MYLK3: variants seen among roughly 807,000 people sequenced by gnomAD.
The protein encoded by MYLK3 is MLC kinase.
In MYLK3, 55 loss-of-function variants were observed where a neutral mutation model predicts 76.3. The observed-to-expected ratio is 0.72, with a 90% CI of 0.58 to 0.90. The LOEUF (loss-of-function observed/expected upper bound fraction) is 0.90. Ranked by LOEUF, MYLK3 falls within the 40% of genes least tolerant of loss-of-function variation. MYLK3 has a pLI of 0.00. For synonymous variants in MYLK3, 416 were observed against 425.4 expected, an observed-to-expected ratio of 0.98 and a Z score of 0.27; for missense variants, 973 against 1,053.6, an observed-to-expected ratio of 0.92 and a Z score of 1.06.
rs759822773 is a variant in MYLK3, at chr16:46,727,351, C to T, written c.1799G>A (p.Arg600Gln). Reference sequence around the variant, plus strand: ...CAGGTGGTACTTCTCATCTGTGATCCGGTCGAAGAGCTCACCCCCGTCCAC... The same window carrying T: ...CAGGTGGTACTTCTCATCTGTGATCTGGTCGAAGAGCTCACCCCCGTCCAC... ...EYVDGGELFD[R>Q]ITDEKYHLTE... Residue 600 changes from arginine to glutamine, a missense_variant, in exon 8 of 13, where the codon CGG becomes CAG. Physicochemically the swap from Arg to Gln is conservative, Grantham distance 43 (BLOSUM62 1). Around this residue, in one of 2 missense-constraint regions of MYLK3, gnomAD observed 332 missense variants for 416.6 expected, o/e 0.80. Transcript: ENST00000394809. 17 of 1,612,612 alleles carry T rather than the reference C, an allele frequency of 1.1e-5. No individual in the cohort carries two copies. Among genetic ancestry groups the T allele is most frequent in the Admixed American group, 1.7e-5 (1 of 59,972 alleles).
Position 46,757,056 on chromosome 16 carries a change from G to A in MYLK3, c.-114+5984C>T, listed in dbSNP as rs115696916. Among the ~76,000 whole-genome samples the A allele has an allele frequency of 9.3e-4, 141 of 152,190 alleles. 1 individual carries two copies. Among genetic ancestry groups the A allele is most frequent in the Middle Eastern group, 6.8e-3 (2 of 294 alleles). On this transcript the variant is annotated intron_variant, in intron 1 of 11. Transcript: ENST00000536476. ...CCCAGCCCAGGCCACCTCCCCGCCC[G>A]CACCACACCATTGCTGGAATGCACT...
chr16:46,761,811 C>T (rs1005984103), intron 1 of MYLK3, among the ~76,000 whole-genome samples: 1 of 151,818 alleles, frequency 6.6e-6, no homozygotes, highest in African/African-American at 2.4e-5. Context: ...GAGCGAGACT[C>T]CATTTCAAAA....
intron 1 of MYLK3, among the ~76,000 whole-genome samples, chr16:46,742,244 G>A (rs192635442): frequency 6.0e-5 from 9 of 151,180 alleles, no homozygotes; most frequent in Admixed American, 4.6e-4. Flanking sequence ...AAAAATCTAA[G>A]TTCCCAGCTT....
chr16:46,758,256 C>T (rs1308073898), intron 1 of MYLK3, among the ~76,000 whole-genome samples: 2 of 150,378 alleles, frequency 1.3e-5, no homozygotes, highest in Non-Finnish European at 3.0e-5. Flanking sequence ...CACACACTGC[C>T]TCTCTCTCTC....
At chr16:46,731,208 G>A (rs542719773) in intron 4 of MYLK3, among the ~76,000 whole-genome samples, 10 of 152,360 alleles carry the variant, frequency 6.6e-5, no homozygotes, top group South Asian at 2.1e-4. Flanking sequence ...ATGACAGCCC[G>A]TGATGGAGCC....
At chr16:46,737,365 T>C (rs753420612) in intron 3 of MYLK3, among the ~76,000 whole-genome samples, 28 of 152,174 alleles carry the variant, frequency 1.8e-4, no homozygotes, top group South Asian at 4.1e-4. Context: ...TTTTAGCTAC[T>C]GTTAGTACTG....
intron 4 of MYLK3, among the ~76,000 whole-genome samples, chr16:46,731,651 C>T (rs1966852757): frequency 6.6e-6 from 1 of 152,124 alleles, no homozygotes; most frequent in South Asian, 2.1e-4. Context: ...AAGAACACAC[C>T]CTGGGTCACT....
chr16:46,703,837 C>G lies in MYLK3; in HGVS notation c.*3867G>C, dbSNP rs2143011767. The G allele has an allele frequency of 6.5e-6, 1 of 153,812 alleles. No homozygotes were observed. Among genetic ancestry groups the G allele is most frequent in the Admixed American group, 6.5e-5 (1 of 15,304 alleles). The allele number at this position is 153,812 out of a possible 1,614,324, so 9.5% of individuals were successfully genotyped here. On this transcript the variant is annotated 3_prime_UTR_variant, in exon 13 of 13. Transcript: ENST00000394809. Reference sequence around the variant, plus strand: ...AGGATTCTCTCTAGATCTGCCCTGTCCAATATAGATGCCACTAACCACGTG... The same window carrying G: ...AGGATTCTCTCTAGATCTGCCCTGTGCAATATAGATGCCACTAACCACGTG...
intron 1 of MYLK3, among the ~76,000 whole-genome samples, chr16:46,742,284 T>C (rs1966943905): frequency 6.6e-6 from 1 of 151,228 alleles, no homozygotes; most frequent in South Asian, 2.1e-4. Flanking sequence ...TGGCGGGGCG[T>C]GGTAGCTCAC....
chr16:46,740,945 G>A (rs1203321185), intron 1 of MYLK3, among the ~76,000 whole-genome samples: 1 of 152,210 alleles, frequency 6.6e-6, no homozygotes, highest in Non-Finnish European at 1.5e-5. Context: ...TCAAATCCAT[G>A]CTTAGGGGGA....
intron 1 of MYLK3, among the ~76,000 whole-genome samples, chr16:46,755,206 G>A (rs1162167020): frequency 6.6e-6 from 1 of 151,964 alleles, no homozygotes; most frequent in Non-Finnish European, 1.5e-5. Context: ...ACCCACGCAC[G>A]CTTTCTAAGG....
rs758375897 is a variant in MYLK3 at position 46,747,856 on chromosome 16, G to C, written c.338C>G (p.Ala113Gly). 3.7e-6 allele frequency: 6 copies of C among 1,614,026 alleles called. No homozygotes were observed. The highest frequency in any genetic ancestry group is 5.1e-6 in the Non-Finnish European group (6 of 1,180,046). The change falls in exon 1 of 13, where the codon GCC becomes GGC. Residue 113 changes from alanine (A) to glycine (G), a missense_variant. Transcript: ENST00000394809. ...DAAQHGARLEALFRMVAAVDR... is the reference protein window; with the variant it reads ...DAAQHGARLEGLFRMVAAVDR... ...CACCGCAGCCACCATCCTGAAGAGG[G>C]CCTCCAGCCTGGCACCGTGCTGGGC...
At chr16:46,726,180 A>G (rs1357596279) in intron 8 of MYLK3, 1 of 152,200 alleles carries the variant, frequency 6.6e-6, no homozygotes, top group Non-Finnish European at 1.5e-5. Flanking sequence ...CCATTGGTCT[A>G]TGTGCCTATT....
intron 1 of MYLK3, among the ~76,000 whole-genome samples, chr16:46,744,353 T>TTG: frequency 7.0e-6 from 1 of 143,558 alleles, no homozygotes; most frequent in South Asian, 2.3e-4. Context: ...TTTTTTTTTT[T>TTG]TTTAAGATGG....
At chr16:46,726,043 A>T (rs1567284545) in intron 8 of MYLK3, 1 of 152,180 alleles carries the variant, frequency 6.6e-6, no homozygotes, top group Admixed American at 6.5e-5. Context: ...ATTCTCTTAC[A>T]TGTGGCTTGC....
At chr16:46,729,913 T>C in intron 5 of MYLK3, 1 of 596,192 alleles carries the variant, frequency 1.7e-6, no homozygotes, top group Admixed American at 3.0e-5. Context: ...GAACATCCCC[T>C]CATCCCTCAC....
At chr16:46,762,572 G>T (rs1248591164) in intron 1 of MYLK3, among the ~76,000 whole-genome samples, 1 of 152,206 alleles carries the variant, frequency 6.6e-6, no homozygotes, top group Non-Finnish European at 1.5e-5. Flanking sequence ...TGTCTATTTA[G>T]CAGCCGCAGG....
rs370640508 is a variant in MYLK3 at position 46,745,924 on chromosome 16, TA to T, written c.477+1792del. Among the ~76,000 whole-genome samples the T allele has an allele frequency of 2.1e-3, 317 of 152,136 alleles. 2 individuals are homozygous for T. Among genetic ancestry groups the T allele is most frequent in the African/African-American group, 7.2e-3 (299 of 41,510 alleles). ...TCCACGCTTGCCTAGGGGGCCAGGG[TA>T]TTGGTGTTCTGGGGCCTGGGGGATG... On this transcript the variant is annotated intron_variant, in intron 1 of 12. Coordinates refer to ENST00000394809, the MANE Select transcript of MYLK3 (RefSeq NM_182493.3).
Position 46,748,195 on chromosome 16 carries a change from C to T in MYLK3, c.-2G>A, listed in dbSNP as rs766431225. On this transcript the variant is annotated 5_prime_UTR_variant, in exon 1 of 13. Transcript: ENST00000394809. This position sits in a 1 kb window ranked among gnomAD's most constrained non-coding sequence, Gnocchi z 4.3. ...ACTCTCCTTGGAGGTTCCTGACATG[C>T]TGGTGCAGGCTTGACAAGGGCAAGA... 2 of 1,609,668 alleles carry T rather than the reference C, an allele frequency of 1.2e-6. No individual in the cohort carries two copies. Among genetic ancestry groups the T allele is most frequent in the South Asian group, 2.2e-5 (2 of 90,516 alleles).
Sources: allele counts gnomAD v4.1 joint callset (sites outside exome capture counted in the v4.1 genomes callset), GRCh38; gene constraint gnomAD v4.1.1; regional missense constraint gnomAD v4.1.1; non-coding constraint Gnocchi (gnomAD v3.1); transcripts MANE v1.5; gene names NCBI Gene and HGNC (gene_info 2026-07-23, HGNC 2026-07-21).